The following SLC22A31 variants were observed in gnomAD, a reference collection of about 807,000 sequenced individuals.
SLC22A31 encodes solute carrier family 22 member 31, also known as putative solute carrier family 22 member 31.
Under a neutral mutation model 27.4 loss-of-function variants are expected in SLC22A31, and 42 were observed. The observed-to-expected ratio is 1.53, with a 90% CI of 1.20 to 1.98. The LOEUF (loss-of-function observed/expected upper bound fraction) is 1.98, where lower values mean the gene tolerates loss of function less well. Among genes scored for constraint, SLC22A31 ranks in the 30% most tolerant of loss-of-function variants. SLC22A31 has a pLI of 0.00. For missense variants in SLC22A31, 593 were observed against 479.9 expected (o/e 1.24, Z -2.20); for synonymous variants, 290 against 230.8 (o/e 1.26, Z -2.33).
Position 89,195,844 on chromosome 16 carries a change from G to T in SLC22A31, c.*155C>A. On this transcript the variant is annotated 3_prime_UTR_variant, in exon 9 of 9. Coordinates refer to ENST00000682282, the MANE Select transcript of SLC22A31 (RefSeq NM_001384763.1). ...CCTCCCAGTGCCTGGGGCCTGGCTG[G>T]AGACACCTTCACGCTGTCCCCACGG... is the stretch of plus-strand genomic sequence containing the variant. The T allele has an allele frequency of 1.2e-6, 1 of 843,180 alleles. No homozygotes were observed. The highest frequency in any genetic ancestry group is 1.7e-6 in the Non-Finnish European group (1 of 586,366). The allele number at this position is 843,180 out of a possible 1,614,324, so 52.2% of individuals were successfully genotyped here. A position where few individuals can be genotyped will look rare whatever the true frequency, so the allele number is the denominator to read the frequency against.
At position 89,196,519 on chromosome 16, in the gene SLC22A31, C is replaced by T. The variant is rs1457708825; in HGVS notation, c.1035-214G>A. 9 of 815,128 alleles carry T rather than the reference C, an allele frequency of 1.1e-5. No individual in the cohort carries two copies. The East Asian group carries it at 1.4e-4, about 12-fold the overall frequency. 50.5% of individuals were successfully genotyped at this position (815,128 alleles called of 1,614,324 possible). A position where few individuals can be genotyped will look rare whatever the true frequency, so the allele number is the denominator to read the frequency against. On this transcript the variant is annotated intron_variant, in intron 8 of 8. Coordinates refer to ENST00000682282, the MANE Select transcript of SLC22A31 (RefSeq NM_001384763.1). ...GCTGGTGGGGCAACAGATTGGGGGA[C>T]ACACATGTGACTCCAGAGTGAGCAG...
rs1175463851 is a variant in SLC22A31 at position 89,198,144 on chromosome 16, C to A, written c.900G>T (p.Leu300=). The change falls in exon 7 of 9, where the codon CTG becomes CTT. Residue 300 remains leucine, a synonymous_variant. Coordinates refer to ENST00000682282, the MANE Select transcript of SLC22A31 (RefSeq NM_001384763.1). The part of the protein sequence containing the change: ...LGTMVTGLAS[L]LLLAGAQYLP... ...CACACTGGGCCCCAGCGAGGAGCAG[C>A]AGGGATGCCAGGCCTGTGACCATGG... is the stretch of plus-strand genomic sequence containing the variant. 6.5e-7 allele frequency: 1 copy of A among 1,534,360 alleles called. No homozygotes were observed. The highest frequency in any genetic ancestry group is 8.7e-7 in the Non-Finnish European group (1 of 1,146,770).
upstream of SLC22A31, chr16:89,201,246 A>C (rs1179905249): frequency 1.1e-5 from 4 of 365,850 alleles, no homozygotes; most frequent in Non-Finnish European, 2.0e-5. Flanking sequence ...GCGGGGCAGC[A>C]GGGACGGGGG....
At position 89,195,915 on chromosome 16, in the gene SLC22A31, C is replaced by T; in HGVS notation, c.*84G>A. 3 of 1,381,544 alleles carry T rather than the reference C, an allele frequency of 2.2e-6. No individual in the cohort carries two copies. The highest frequency in any genetic ancestry group is 2.9e-6 in the Non-Finnish European group (3 of 1,050,758). The allele number at this position is 1,381,544 out of a possible 1,614,324, so 85.6% of individuals were successfully genotyped here. A position where few individuals can be genotyped will look rare whatever the true frequency, so the allele number is the denominator to read the frequency against. ...GGGCTTCTGAGAGGAATGTGTCTGC[C>T]CTGGACCAGACGTCTGGGGTACTCA... On this transcript the variant is annotated 3_prime_UTR_variant, in exon 9 of 9. Coordinates refer to ENST00000682282, the MANE Select transcript of SLC22A31 (RefSeq NM_001384763.1).
chr16:89,198,819 C>A (rs1484317640), intron 4 of SLC22A31, 22 bp from the exon 5 acceptor site: 1 of 1,519,528 alleles, frequency 6.6e-7, no homozygotes, highest in Admixed American at 2.0e-5. Flanking sequence ...GTGAGGATGC[C>A]CACGGCTCCC....
chr16:89,198,210 C>G lies in SLC22A31; in HGVS notation c.834G>C (p.Thr278=). 1 of 1,535,866 alleles carries G rather than the reference C, an allele frequency of 6.5e-7. No homozygotes were observed. Among genetic ancestry groups the G allele is most frequent in the South Asian group, 1.2e-5 (1 of 84,066 alleles). The change falls in exon 7 of 9, where the codon ACG becomes ACC. Residue 278 remains threonine, a synonymous_variant. Coordinates refer to ENST00000682282, the MANE Select transcript of SLC22A31 (RefSeq NM_001384763.1). ...CGGGGCGGCGTCCACAGCAATCTGCCGTCAGGAGCAGGAAGACCAAGGCTG... is the reference window on the plus strand; with the variant it reads ...CGGGGCGGCGTCCACAGCAATCTGCGGTCAGGAGCAGGAAGACCAAGGCTG... ...EAAALVFLLL[T]ADCCGRRPVL...
chr16:89,198,873 C>T, intron 4 of SLC22A31, 76 bp from the exon 5 acceptor site: 9 of 1,493,724 alleles, frequency 6.0e-6, no homozygotes, highest in Admixed American at 2.1e-5. Context: ...GGGCCCCCAC[C>T]CCACCCCCAG....
chr16:89,198,295 A>G lies in SLC22A31; in HGVS notation c.749T>C (p.Leu250Pro). Residue 250 changes from leucine (L) to proline (P), a missense_variant, in exon 7 of 9, where the codon CTG becomes CCG. Coordinates refer to ENST00000682282, the MANE Select transcript of SLC22A31 (RefSeq NM_001384763.1). ...GTAGAAGGTCGGCACCTGAGGTGCC[A>G]GGCTGCGGCGGAAGCTAGCTCTGAT... ...GGIRASFRRS[L>P]APQVPTFYLP... The G allele has an allele frequency of 6.5e-7, 1 of 1,535,926 alleles. No homozygotes were observed. Among genetic ancestry groups the G allele is most frequent in the East Asian group, 2.4e-5 (1 of 40,920 alleles).
chr16:89,195,867 C>G lies in SLC22A31; in HGVS notation c.*132G>C. The G allele has an allele frequency of 9.0e-7, 1 of 1,109,382 alleles. No homozygotes were observed. The highest frequency in any genetic ancestry group is 1.2e-6 in the Non-Finnish European group (1 of 812,680). The allele number at this position is 1,109,382 out of a possible 1,614,324, so 68.7% of individuals were successfully genotyped here. On this transcript the variant is annotated 3_prime_UTR_variant, in exon 9 of 9. Coordinates refer to ENST00000682282, the MANE Select transcript of SLC22A31 (RefSeq NM_001384763.1). Reference sequence around the variant, plus strand: ...TGGAGACACCTTCACGCTGTCCCCACGGCTCCACCTGCACTGAGACACGGG... The same window carrying G: ...TGGAGACACCTTCACGCTGTCCCCAGGGCTCCACCTGCACTGAGACACGGG...
chr16:89,197,118 A>G (rs1916018248), intron 8 of SLC22A31, among the ~76,000 whole-genome samples, 180 bp downstream of exon 8: 1 of 151,886 alleles, frequency 6.6e-6, no homozygotes, highest in Admixed American at 6.6e-5. Flanking sequence ...GCCTTCTGTG[A>G]GCAGTGGCCC....
chr16:89,197,342 T>C lies in SLC22A31; in HGVS notation c.990A>G (p.Ala330=). The change falls in exon 8 of 9, where the codon GCA becomes GCG. Residue 330 remains alanine (A), a synonymous_variant. Transcript: ENST00000682282. ...LGLLASRAVS[A]LSSLFAAEVF... is the part of the protein sequence containing the mutation. ...CCTCGGCCGCGAAGAGGCTGCTGAGTGCGGACACAGCCCGGGAGGCCAGGA... is the reference window on the plus strand; with the variant it reads ...CCTCGGCCGCGAAGAGGCTGCTGAGCGCGGACACAGCCCGGGAGGCCAGGA... The C allele has an allele frequency of 3.9e-6, 6 of 1,535,742 alleles. No homozygotes were observed. The highest frequency in any genetic ancestry group is 5.2e-6 in the Non-Finnish European group (6 of 1,146,796).
At position 89,195,937 on chromosome 16, in the gene SLC22A31, C is replaced by T. The variant is rs1458713233; in HGVS notation, c.*62G>A. The stretch of plus-strand genomic sequence containing the variant: ...TGCCCTGGACCAGACGTCTGGGGTA[C>T]TCAGCCATGCCCCAGGCCTTGACTT... On this transcript the variant is annotated 3_prime_UTR_variant, in exon 9 of 9. Transcript: ENST00000682282. 7.0e-7 allele frequency: 1 copy of T among 1,427,750 alleles called. No individual in the cohort carries two copies. Among genetic ancestry groups the T allele is most frequent in the Non-Finnish European group, 9.2e-7 (1 of 1,090,014 alleles). 88.4% of individuals were successfully genotyped at this position (1,427,750 alleles called of 1,614,324 possible). A position where few individuals can be genotyped will look rare whatever the true frequency, so the allele number is the denominator to read the frequency against.
rs918550524 is a variant in SLC22A31, at chr16:89,198,279, C to T, written c.765G>A (p.Pro255=). ...SFRRSLAPQV[P]TFYLPYFLEA... ...CCAGGAAGTAGGGCAGGTAGAAGGT[C>T]GGCACCTGAGGTGCCAGGCTGCGGC... Residue 255 remains proline (P), a synonymous_variant, in exon 7 of 9, where the codon CCG becomes CCA. Coordinates refer to ENST00000682282, the MANE Select transcript of SLC22A31 (RefSeq NM_001384763.1). The T allele has an allele frequency of 5.5e-5, 84 of 1,535,814 alleles. No individual in the cohort carries two copies. The highest frequency in any genetic ancestry group is 6.5e-5 in the Non-Finnish European group (75 of 1,146,902).
Position 89,196,311 on chromosome 16 carries a change from G to A in SLC22A31, c.1035-6C>T, listed in dbSNP as rs1343019180. Reference sequence around the variant, plus strand: ...CCAGGCCCAGCCCGGCCCCCCTGTGGGACAGAGTGTGTTGGGGGCAGCCAG... The same window carrying A: ...CCAGGCCCAGCCCGGCCCCCCTGTGAGACAGAGTGTGTTGGGGGCAGCCAG... On this transcript the variant is annotated splice_region_variant and splice_polypyrimidine_tract_variant and intron_variant, in intron 8 of 8. Transcript: ENST00000682282. The A allele has an allele frequency of 1.5e-6, 2 of 1,362,080 alleles. No homozygotes were observed. Among genetic ancestry groups the A allele is most frequent in the East Asian group, 5.6e-5 (2 of 35,822 alleles). The allele number at this position is 1,362,080 out of a possible 1,614,324, so 84.4% of individuals were successfully genotyped here.
chr16:89,198,986 C>T (rs748328843), intron 4 of SLC22A31, 37 bp downstream of exon 4: 54 of 1,527,304 alleles, frequency 3.5e-5, no homozygotes, highest in Non-Finnish European at 4.4e-5. Flanking sequence ...TAGTCAGCCC[C>T]GATGAGGGCT....
rs1183443075 is a variant in SLC22A31, at chr16:89,198,151, G to A, written c.893C>T (p.Ala298Val). ...LLLGTMVTGL[A>V]SLLLLAGAQY... The stretch of plus-strand genomic sequence containing the variant: ...GGCCCCAGCGAGGAGCAGCAGGGAT[G>A]CCAGGCCTGTGACCATGGTGCCCAG... The change falls in exon 7 of 9, where the codon GCA (alanine) becomes GTA (valine). Residue 298 changes from alanine to valine, a missense_variant. Physicochemically the swap from Ala to Val is moderately conservative, Grantham distance 64. Transcript: ENST00000682282. 1 of 1,534,718 alleles carries A rather than the reference G, an allele frequency of 6.5e-7. No individual in the cohort carries two copies. Among genetic ancestry groups the A allele is most frequent in the Admixed American group, 2.0e-5 (1 of 50,990 alleles).
At position 89,199,007 on chromosome 16, in the gene SLC22A31, C is replaced by G; in HGVS notation, c.452+16G>C. On this transcript the variant is annotated intron_variant, in intron 4 of 8. Coordinates refer to ENST00000682282, the MANE Select transcript of SLC22A31 (RefSeq NM_001384763.1). ...GCCCCGATGAGGGCTGCTGGCCCAG[C>G]TCCCACCACACTTACCCCCAAAAGA... is the stretch of plus-strand genomic sequence containing the variant. 1 of 1,533,198 alleles carries G rather than the reference C, an allele frequency of 6.5e-7. No individual in the cohort carries two copies. Among genetic ancestry groups the G allele is most frequent in the South Asian group, 1.2e-5 (1 of 83,884 alleles). 95.0% of individuals were successfully genotyped at this position (1,533,198 alleles called of 1,614,324 possible).
At chr16:89,199,284 G>C in intron 3 of SLC22A31, 93 bp from the exon 4 acceptor site, 1 of 1,282,400 alleles carries the variant, frequency 7.8e-7, no homozygotes, top group East Asian at 2.5e-5. Flanking sequence ...GACCTGCCCA[G>C]GAGCGGGATG....
At chr16:89,197,180 G>A (rs1160486829) in intron 8 of SLC22A31, 118 bp downstream of exon 8, 2 of 717,890 alleles carry the variant, frequency 2.8e-6, no homozygotes, top group Non-Finnish European at 4.6e-6. Context: ...ACTGGATGGA[G>A]GAATCACAGG....
Sources: gnomAD v4.1 joint callset for allele counts (sites outside exome capture counted in the v4.1 genomes callset) on GRCh38, gnomAD v4.1.1 for gene constraint, MANE v1.5 for transcripts, NCBI Gene and HGNC (gene_info 2026-07-23, HGNC 2026-07-21) for gene names.